Variants in WASHC2C observed in about 807,000 individuals in gnomAD.
WASHC2C encodes the protein WASH complex subunit 2C.
Under a neutral mutation model 142.2 loss-of-function variants are expected in WASHC2C, and 73 were observed. The observed-to-expected ratio is 0.51, with a 90% confidence interval of 0.43 to 0.62. The LOEUF is 0.62. Among genes scored for constraint, WASHC2C ranks in the 20% least tolerant of loss-of-function variants. WASHC2C has a pLI of 0.00. For missense variants in WASHC2C, 969 were observed against 1,531.7 expected, an observed-to-expected ratio of 0.63 and a Z score of 6.13; for synonymous variants, 337 against 565.5, an observed-to-expected ratio of 0.60 and a Z score of 5.73.
In WASHC2C at chr10:45,752,639, C is replaced by G; in HGVS notation, c.1055C>G (p.Ser352Trp). 6.2e-7 allele frequency: 1 copy of G among 1,609,842 alleles called. No individual in the cohort carries two copies. The highest frequency in any genetic ancestry group is 1.3e-5 in the African/African-American group (1 of 74,124). ...APPKLTDEDF[S>W]PFGSGGGLFS... ...CCCAAGCTGACCGACGAGGACTTCT[C>G]GCCATTTGGCTCTGGAGGTGGCCTG... The change falls in exon 12 of 31, where the codon TCG becomes TGG. Residue 352 changes from serine (S) to tryptophan (W), a missense_variant. Ser to Trp is a radical substitution (Grantham distance 177). Coordinates refer to ENST00000623400, the MANE Select transcript of WASHC2C (RefSeq NM_001330074.2).
chr10:45,786,407 C>T lies in WASHC2C; in HGVS notation c.2812-205C>T, dbSNP rs531775407. 8 of 713,192 alleles carry T rather than the reference C, an allele frequency of 1.1e-5. No individual in the cohort carries two copies. In the African/African-American group the frequency reaches 1.4e-4, roughly 13 times the overall value. The allele number at this position is 713,192 out of a possible 1,614,324, so 44.2% of individuals were successfully genotyped here. A position where few individuals can be genotyped will look rare whatever the true frequency, so the allele number is the denominator to read the frequency against. On this transcript the variant is annotated intron_variant, in intron 26 of 30. Transcript: ENST00000623400. Reference sequence around the variant, plus strand: ...CTTGACTCCATATCTGATCTGGCAGCTTTCCACTTATGTGACAGAGGAGGA... The same window carrying T: ...CTTGACTCCATATCTGATCTGGCAGTTTTCCACTTATGTGACAGAGGAGGA...
Position 45,789,144 on chromosome 10 carries a change from G to C in WASHC2C, c.3361G>C (p.Gly1121Arg), listed in dbSNP as rs2058251109. 1 of 1,612,028 alleles carries C rather than the reference G, an allele frequency of 6.2e-7. No individual in the cohort carries two copies. The highest frequency in any genetic ancestry group is 8.5e-7 in the Non-Finnish European group (1 of 1,179,846). The change falls in exon 29 of 31, where the codon GGT (glycine) becomes CGT (arginine). Residue 1121 changes from glycine (G) to arginine (R), a missense_variant. By Grantham distance (125) the Gly-to-Arg change is moderately radical. Coordinates refer to ENST00000623400, the MANE Select transcript of WASHC2C (RefSeq NM_001330074.2). ...CACAAGCCCCTTTGCAAAGTCTCTGGGTCATTCCAGAGGGGAGGCTGACCT... is the reference window on the plus strand; with the variant it reads ...CACAAGCCCCTTTGCAAAGTCTCTGCGTCATTCCAGAGGGGAGGCTGACCT... ...VDTSPFAKSL[G>R]HSRGEADLFD...
Position 45,790,368 on chromosome 10 carries a change from G to A in WASHC2C, c.3721G>A (p.Ala1241Thr). The change falls in exon 30 of 31, where the codon GCT becomes ACT. Residue 1241 changes from alanine to threonine, a missense_variant. By Grantham distance (58) the Ala-to-Thr change is moderately conservative (BLOSUM62 0). Transcript: ENST00000623400. ...TQDIFEDDIF[A>T]TEAIKPSQKT... is the part of the protein sequence containing the mutation. ...TTGGCTTAACAAGGATGATATATTT[G>A]CTACGGAAGCAATTAAACCCTCTCA... is the stretch of plus-strand genomic sequence containing the variant. 1.2e-6 allele frequency: 2 copies of A among 1,608,178 alleles called. No individual in the cohort carries two copies. The highest frequency in any genetic ancestry group is 2.2e-5 in the East Asian group (1 of 44,874).
intron 21 of WASHC2C, among the ~76,000 whole-genome samples, chr10:45,776,206 G>GATTTTAGTT (rs2057065808): frequency 6.6e-6 from 1 of 152,000 alleles, no homozygotes; most frequent in Non-Finnish European, 1.5e-5. Context: ...GATTAGCAAT[G>GATTTTAGTT]TCCTTCCTTA....
At chr10:45,791,516 C>T (rs1184654082) in intron 30 of WASHC2C, among the ~76,000 whole-genome samples, 1 of 146,246 alleles carries the variant, frequency 6.8e-6, no homozygotes, top group Non-Finnish European at 1.5e-5. Context: ...CTTTTAGTTA[C>T]TTAATGTCTT....
At chr10:45,734,942 T>C (rs2051037329) in intron 3 of WASHC2C, among the ~76,000 whole-genome samples, 1 of 151,984 alleles carries the variant, frequency 6.6e-6, no homozygotes, top group African/African-American at 2.4e-5. Flanking sequence ...CCCTTATAGA[T>C]AACCTTTATT....
chr10:45,759,456 A>G (rs2054799007), intron 17 of WASHC2C, 55 bp downstream of exon 17: 2 of 1,338,178 alleles, frequency 1.5e-6, no homozygotes, highest in Non-Finnish European at 2.1e-6. Flanking sequence ...TGACATAGAA[A>G]CTATTTTTGA....
intron 13 of WASHC2C, 85 bp from the exon 14 acceptor site, chr10:45,754,401 G>T (rs2338328): frequency 0.016 from 24,429 of 1,546,314 alleles, 758 homozygotes; most frequent in African/African-American, 0.077. Flanking sequence ...CTAGCTGTGT[G>T]TTACATTGCA....
Position 45,765,804 on chromosome 10 carries a change from T to A in WASHC2C, c.1863T>A (p.Asp621Glu). ...CATCTGCCCTGTTGTTCAGCAGTGA[T>A]GAGGAGGTGAGCTGAGGTTTCTGCT... ...KKASALLFSSDEEDQWNIPAS... is the reference protein window; with the variant it reads ...KKASALLFSSEEEDQWNIPAS... The change falls in exon 19 of 31, where the codon GAT (aspartate) becomes GAA (glutamate). Residue 621 changes from aspartate (D) to glutamate (E), a missense_variant. Coordinates refer to ENST00000623400, the MANE Select transcript of WASHC2C (RefSeq NM_001330074.2). 1 of 1,611,924 alleles carries A rather than the reference T, an allele frequency of 6.2e-7. No homozygotes were observed. Among genetic ancestry groups the A allele is most frequent in the Non-Finnish European group, 8.5e-7 (1 of 1,179,840 alleles).
intron 3 of WASHC2C, among the ~76,000 whole-genome samples, chr10:45,736,405 C>CAAAAAAAAAAAAAAA (rs71520974): frequency 4.1e-5 from 1 of 24,558 alleles, no homozygotes; most frequent in Non-Finnish European, 7.0e-5. Flanking sequence ...GACTCCATCT[C>CAAAAAAAAAAAAAAA]AAAAAAAAAA....
intron 28 of WASHC2C, among the ~76,000 whole-genome samples, chr10:45,788,120 A>T (rs1426426586): frequency 6.6e-6 from 1 of 151,968 alleles, no homozygotes; most frequent in African/African-American, 2.4e-5. Context: ...CTTTTTTTTT[A>T]TTAAGTTTAA....
rs782707012 is a variant in WASHC2C at position 45,728,934 on chromosome 10, G to A, written c.199G>A (p.Gly67Arg). ...CCATGAAATCAAGAAACAAGTGGAC[G>A]GACTAATCCGGGAAACCAAAGCCAC... Reference protein sequence around the residue: ...RTHEIKKQVDGLIRETKATDC... With the variant: ...RTHEIKKQVDRLIRETKATDC... Residue 67 changes from glycine to arginine, a missense_variant, in exon 3 of 31, where the codon GGA becomes AGA. Physicochemically the swap from Gly to Arg is moderately radical, Grantham distance 125 (BLOSUM62 -2). Coordinates refer to ENST00000623400, the MANE Select transcript of WASHC2C (RefSeq NM_001330074.2). The A allele has an allele frequency of 4.3e-6, 7 of 1,613,792 alleles. No homozygotes were observed. Among genetic ancestry groups the A allele is most frequent in the African/African-American group, 1.3e-5 (1 of 74,894 alleles).
intron 11 of WASHC2C, 138 bp downstream of exon 11, chr10:45,751,691 C>G (rs2053606426): frequency 2.0e-6 from 3 of 1,522,628 alleles, no homozygotes; most frequent in Non-Finnish European, 2.7e-6. Context: ...TTTCTAAAGC[C>G]TCTGGGCTGG....
chr10:45,787,949 T>A (rs1554890968), intron 28 of WASHC2C, among the ~76,000 whole-genome samples: 1 of 152,248 alleles, frequency 6.6e-6, no homozygotes, highest in Non-Finnish European at 1.5e-5. Flanking sequence ...GTTTCTTGTT[T>A]CTATCCAGTC....
intron 20 of WASHC2C, chr10:45,771,578 G>C: frequency 1.0e-6 from 1 of 981,084 alleles, no homozygotes; most frequent in African/African-American, 1.8e-5. Context: ...ACCCCATCTT[G>C]TTTGTGGGTC....
rs2053514139 is a variant in WASHC2C at position 45,750,964 on chromosome 10, T to C, written c.931+126T>C. The C allele has an allele frequency of 4.6e-6, 4 of 871,726 alleles. No homozygotes were observed. The African/African-American group carries it at 7.0e-5, about 15-fold the overall frequency. 54.0% of individuals were successfully genotyped at this position (871,726 alleles called of 1,614,324 possible). A position where few individuals can be genotyped will look rare whatever the true frequency, so the allele number is the denominator to read the frequency against. On this transcript the variant is annotated intron_variant, in intron 10 of 30. Transcript: ENST00000623400. Reference sequence around the variant, plus strand: ...CATATATTTATTAGTAATTGCTACATATAATTTAAATTGTAGCGCTTATTC... The same window carrying C: ...CATATATTTATTAGTAATTGCTACACATAATTTAAATTGTAGCGCTTATTC...
chr10:45,734,454 A>G (rs1413157078), intron 3 of WASHC2C, among the ~76,000 whole-genome samples: 2 of 150,542 alleles, frequency 1.3e-5, no homozygotes, highest in Non-Finnish European at 3.0e-5. Context: ...GACTTTTGTG[A>G]ATTTAATTTT....
At chr10:45,754,855 G>A in intron 14 of WASHC2C, 81 bp from the exon 15 acceptor site, 1 of 1,532,900 alleles carries the variant, frequency 6.5e-7, no homozygotes, top group South Asian at 1.2e-5. Flanking sequence ...GAAAGTTTTT[G>A]GTGGGTGATA....
chr10:45,745,486 TG>T (rs2052706981), intron 7 of WASHC2C, among the ~76,000 whole-genome samples: 1 of 151,750 alleles, frequency 6.6e-6, no homozygotes, highest in African/African-American at 2.4e-5. Flanking sequence ...TCCTCGAGTA[TG>T]GGATTTCCGA....
Sources: allele counts gnomAD v4.1 joint callset (sites outside exome capture counted in the v4.1 genomes callset), GRCh38; gene constraint gnomAD v4.1.1; transcripts MANE v1.5; gene names NCBI Gene and HGNC (gene_info 2026-07-23, HGNC 2026-07-21).